Variants in SLC9A5 observed in about 807,000 individuals in gnomAD.
The protein encoded by SLC9A5 is sodium/hydrogen exchanger 5.
In SLC9A5, 52 loss-of-function variants were observed where a neutral mutation model predicts 91.7. That is an observed-to-expected ratio of 0.57 (90% CI 0.45 to 0.71). The LOEUF is 0.71. Among genes scored for constraint, SLC9A5 ranks in the 30% least tolerant of loss-of-function variants. SLC9A5 has a pLI of 0.00. For missense variants in SLC9A5, 871 were observed against 1,158.9 expected (o/e 0.75, Z 3.61); for synonymous variants, 419 against 474.5 (o/e 0.88, Z 1.52).
chr16:67,259,783 C>A, intron 11 of SLC9A5, 37 bp from the exon 12 acceptor site: 1 of 1,608,020 alleles, frequency 6.2e-7, no homozygotes, highest in Non-Finnish European at 8.5e-7. Flanking sequence ...CTGCCTCCTG[C>A]CCCCTCTCCA....
chr16:67,271,305 A>T lies in SLC9A5; in HGVS notation c.*95A>T, dbSNP rs1285747612. 8.7e-7 allele frequency: 1 copy of T among 1,143,626 alleles called. No homozygotes were observed. The highest frequency in any genetic ancestry group is 1.5e-5 in the African/African-American group (1 of 65,368). The allele number at this position is 1,143,626 out of a possible 1,614,324, so 70.8% of individuals were successfully genotyped here. Reference sequence around the variant, plus strand: ...CCTCGAAACTTGACATGGGGCCAGAAGGGCCTGGGTTGAAGTAGTAATTGG... The same window carrying T: ...CCTCGAAACTTGACATGGGGCCAGATGGGCCTGGGTTGAAGTAGTAATTGG... On this transcript the variant is annotated 3_prime_UTR_variant, in exon 16 of 16. Coordinates refer to ENST00000299798, the MANE Select transcript of SLC9A5 (RefSeq NM_004594.3).
rs1199473361 is a variant in SLC9A5 at position 67,252,741 on chromosome 16, T to C, written c.387T>C (p.Phe129=). The C allele has an allele frequency of 1.2e-6, 2 of 1,614,246 alleles. No individual in the cohort carries two copies. The highest frequency in any genetic ancestry group is 2.2e-5 in the East Asian group (1 of 44,896). ...SGYFMPSRLF[F]DNLGAILTYA... ...ATTTCATGCCTAGCAGGCTGTTCTT[T>C]GACAACTTGGGTGCCATCCTCACCT... The change falls in exon 2 of 16, where the codon TTT becomes TTC. Residue 129 remains phenylalanine (F), a synonymous_variant. Transcript: ENST00000299798. The surrounding 1 kb of genome is among the most constrained non-coding windows in gnomAD (Gnocchi z 4.0).
At chr16:67,259,512 C>A in intron 10 of SLC9A5, 61 bp from the exon 11 acceptor site, 1 of 1,182,180 alleles carries the variant, frequency 8.5e-7, no homozygotes, top group Non-Finnish European at 1.3e-6. Context: ...TCTTTATTAC[C>A]CCTGACTCCT....
intron 14 of SLC9A5, among the ~76,000 whole-genome samples, chr16:67,265,467 A>G (rs751270967): frequency 3.9e-5 from 6 of 152,132 alleles, no homozygotes; most frequent in Non-Finnish European, 8.8e-5. Context: ...CTGACAAGCT[A>G]GAGTGCAGTG....
chr16:67,259,748 C>A (rs2035458103), intron 11 of SLC9A5, 72 bp from the exon 12 acceptor site: 1 of 1,594,354 alleles, frequency 6.3e-7, no homozygotes, highest in East Asian at 2.2e-5. Flanking sequence ...TTTGTCAGCA[C>A]CTTTTCATCT....
chr16:67,270,776 C>T lies in SLC9A5; in HGVS notation c.2257C>T (p.Pro753Ser). 1 of 1,613,028 alleles carries T rather than the reference C, an allele frequency of 6.2e-7. No homozygotes were observed. The highest frequency in any genetic ancestry group is 8.5e-7 in the Non-Finnish European group (1 of 1,179,304). ...GTGCCCAAGCCCACGAATCATTCCCCCCTCCCCAACCTGTGCAGAAAAGGA... is the reference window on the plus strand; with the variant it reads ...GTGCCCAAGCCCACGAATCATTCCCTCCTCCCCAACCTGTGCAGAAAAGGA... ...EVCPSPRIIP[P>S]SPTCAEKELP... The change falls in exon 16 of 16, where the codon CCC becomes TCC. Residue 753 changes from proline to serine, a missense_variant. Transcript: ENST00000299798. This position sits in a 1 kb window ranked among gnomAD's most constrained non-coding sequence, Gnocchi z 4.3.
intron 1 of SLC9A5, among the ~76,000 whole-genome samples, chr16:67,250,136 G>C (rs2142333196): frequency 6.6e-6 from 1 of 152,302 alleles, no homozygotes; most frequent in Admixed American, 6.5e-5. Context: ...GAATCACCCA[G>C]AGCCTAGAAT....
chr16:67,256,618 C>T lies in SLC9A5; in HGVS notation c.1061C>T (p.Ser354Phe). ...FMLLGISAVD[S>F]SKWAWDSGLV... ...CTGCTTGGCATCTCAGCCGTGGACT[C>T]TTCTAAGTGGGCCTGGGATTCTGGG... The change falls in exon 6 of 16, where the codon TCT (serine) becomes TTT (phenylalanine). Residue 354 changes from serine to phenylalanine, a missense_variant. This residue lies in a region of SLC9A5 where 454 missense variants were observed against 718.3 expected (regional missense o/e 0.63). Coordinates refer to ENST00000299798, the MANE Select transcript of SLC9A5 (RefSeq NM_004594.3). This position sits in a 1 kb window ranked among gnomAD's most constrained non-coding sequence, Gnocchi z 4.1. The T allele has an allele frequency of 1.6e-5, 26 of 1,614,114 alleles. No homozygotes were observed. Among genetic ancestry groups the T allele is most frequent in the Non-Finnish European group, 2.2e-5 (26 of 1,180,014 alleles).
At chr16:67,261,119 C>G (rs570869069) in intron 12 of SLC9A5, 2 of 152,280 alleles carry the variant, frequency 1.3e-5, no homozygotes, top group African/African-American at 4.8e-5. Flanking sequence ...AAAAACAGCG[C>G]CCAGAATGGA....
intron 1 of SLC9A5, among the ~76,000 whole-genome samples, chr16:67,251,299 T>G (rs909290940): frequency 2.6e-5 from 4 of 151,884 alleles, no homozygotes; most frequent in Admixed American, 1.3e-4. Context: ...CTAGGAGGTA[T>G]AATATACATT....
Position 67,252,983 on chromosome 16 carries a change from C to T in SLC9A5, c.490+139C>T. ...CCTCCCTCTGGAGTGCAAGGCAGTG[C>T]TCCCGCTGGGGTTCAGGCCTCATTG... On this transcript the variant is annotated intron_variant, in intron 2 of 15. Transcript: ENST00000299798. This position sits in a 1 kb window ranked among gnomAD's most constrained non-coding sequence, Gnocchi z 4.0. 2.6e-6 allele frequency: 2 copies of T among 764,890 alleles called. No homozygotes were observed. The highest frequency in any genetic ancestry group is 4.1e-6 in the Non-Finnish European group (2 of 486,540). 47.4% of individuals were successfully genotyped at this position (764,890 alleles called of 1,614,324 possible).
At position 67,259,954 on chromosome 16, in the gene SLC9A5, C is replaced by G; in HGVS notation, c.1842+8C>G. 2 of 1,612,994 alleles carry G rather than the reference C, an allele frequency of 1.2e-6. No individual in the cohort carries two copies. Among genetic ancestry groups the G allele is most frequent in the South Asian group, 1.1e-5 (1 of 90,922 alleles). Reference sequence around the variant, plus strand: ...TACAAGCCGCGCCGTAGGGTGAGAGCAGGCAGGCATCAGGATTTTGAGGGG... The same window carrying G: ...TACAAGCCGCGCCGTAGGGTGAGAGGAGGCAGGCATCAGGATTTTGAGGGG... On this transcript the variant is annotated splice_region_variant and intron_variant, in intron 12 of 15. Transcript: ENST00000299798.
In SLC9A5 at chr16:67,256,008, G is replaced by A; in HGVS notation, c.911+78G>A. 2.1e-6 allele frequency: 3 copies of A among 1,459,604 alleles called. No individual in the cohort carries two copies. Among genetic ancestry groups the A allele is most frequent in the South Asian group, 1.3e-5 (1 of 79,294 alleles). 90.4% of individuals were successfully genotyped at this position (1,459,604 alleles called of 1,614,324 possible). Reference sequence around the variant, plus strand: ...GTTGCCCCTCATAGGGACACAGGCAGGAACTTCAGGAGTCCATAGGTTTCC... The same window carrying A: ...GTTGCCCCTCATAGGGACACAGGCAAGAACTTCAGGAGTCCATAGGTTTCC... On this transcript the variant is annotated intron_variant, in intron 5 of 15. Transcript: ENST00000299798. The surrounding 1 kb of genome is among the most constrained non-coding windows in gnomAD (Gnocchi z 4.1).
chr16:67,255,101 GCTGT>G lies in SLC9A5; in HGVS notation c.574_577del (p.Val192LeufsTer49). On this transcript the variant is annotated frameshift_variant, in exon 3 of 16. Coordinates refer to ENST00000299798, the MANE Select transcript of SLC9A5 (RefSeq NM_004594.3). LOFTEE classifies it high-confidence loss of function. The surrounding 1 kb of genome is among the most constrained non-coding windows in gnomAD (Gnocchi z 4.9). Reference sequence around the variant, plus strand: ...GGCGGTGGACCCCGTGGCCGTGCTAGCTGTCTTTGAGGAGGTGCACGTCAATGAG... The same window carrying G: ...GGCGGTGGACCCCGTGGCCGTGCTAGCTTTGAGGAGGTGCACGTCAATGAG... 6.2e-7 allele frequency: 1 copy of G among 1,614,102 alleles called. No homozygotes were observed. Among genetic ancestry groups the G allele is most frequent in the Non-Finnish European group, 8.5e-7 (1 of 1,180,004 alleles).
In SLC9A5 at chr16:67,259,564, C is replaced by T; in HGVS notation, c.1627-9C>T. 6.2e-7 allele frequency: 1 copy of T among 1,612,734 alleles called. No homozygotes were observed. The highest frequency in any genetic ancestry group is 1.1e-5 in the South Asian group (1 of 91,054). ...GATTGCTGGCTGACCTTGGTCTTGA[C>T]ACCTGCAGGGAGGCCACGTCTTGTC... On this transcript the variant is annotated splice_polypyrimidine_tract_variant and intron_variant, in intron 10 of 15. Transcript: ENST00000299798.
chr16:67,268,658 T>TTATATATATATATATA (rs60054219), intron 15 of SLC9A5, among the ~76,000 whole-genome samples: 13 of 42,310 alleles, frequency 3.1e-4, no homozygotes, highest in Non-Finnish European at 4.6e-4. Flanking sequence ...ATTTCCCTGA[T>TTATATATATATATATA]TATATATATA....
In SLC9A5 at chr16:67,260,354, C is replaced by CAAAA. The variant is rs397932908; in HGVS notation, c.1842+428_1842+431dup. 6.0e-4 allele frequency among the ~76,000 whole-genome samples: 20 copies of CAAAA among 33,422 alleles called. No individual in the cohort carries two copies. The South Asian group carries it at 7.1e-3, about 12-fold the overall frequency. The allele number at this position is 33,422 out of a possible 152,430, so 21.9% of individuals were successfully genotyped here. On this transcript the variant is annotated intron_variant, in intron 12 of 15. Transcript: ENST00000299798. ...TGGGTAACAGAGCAAGACTCCATCT[C>CAAAA]AAAAAAAAAAAAAAAAAAAAAAAGA...
At chr16:67,268,736 C>G (rs1567421862) in intron 15 of SLC9A5, among the ~76,000 whole-genome samples, 1 of 120,784 alleles carries the variant, frequency 8.3e-6, no homozygotes, top group Non-Finnish European at 1.7e-5. Flanking sequence ...TGTCCAATGT[C>G]CCTTTTAACC....
rs2035381477 is a variant in SLC9A5 at position 67,257,961 on chromosome 16, CACTT to C, written c.1497-353_1497-350del. Among the ~76,000 whole-genome samples the C allele has an allele frequency of 6.6e-6, 1 of 152,236 alleles. No individual in the cohort carries two copies. The highest frequency in any genetic ancestry group is 1.5e-5 in the Non-Finnish European group (1 of 68,044). On this transcript the variant is annotated intron_variant, in intron 9 of 15. Transcript: ENST00000299798. The surrounding 1 kb of genome is among the most constrained non-coding windows in gnomAD (Gnocchi z 5.1). ...CTAGAACACTCCTTCACCTCCCTCT[CACTT>C]ACTCAGCTTCGATTCATCCTTCACA... is the stretch of plus-strand genomic sequence containing the variant.
Sources: allele counts gnomAD v4.1 joint callset (sites outside exome capture counted in the v4.1 genomes callset), GRCh38; gene constraint gnomAD v4.1.1; regional missense constraint gnomAD v4.1.1; non-coding constraint Gnocchi (gnomAD v3.1); transcripts MANE v1.5; gene names NCBI Gene and HGNC (gene_info 2026-07-23, HGNC 2026-07-21).